PTPRD: variants seen among roughly 807,000 people sequenced by gnomAD.
PTPRD encodes protein tyrosine phosphatase receptor type D.
Under a neutral mutation model 214.5 loss-of-function variants are expected in PTPRD, and 34 were observed. The ratio of observed to expected loss-of-function variants is 0.16; its 90% CI spans 0.12 to 0.21. PTPRD has a LOEUF of 0.21. Ranked by LOEUF, PTPRD falls within the 10% of genes least tolerant of loss-of-function variation. The pLI is 1.00. For synonymous variants in PTPRD, 1,128 were observed against 845.7 expected (o/e 1.33, Z -5.79); for missense variants, 2,545 against 2,398.7 (o/e 1.06, Z -1.27).
At chr9:8,393,868 G>A (rs1367543095) in intron 36 of PTPRD, among the ~76,000 whole-genome samples, 1 of 151,992 alleles carries the variant, frequency 6.6e-6, no homozygotes. Flanking sequence ...GTTCTTTCTT[G>A]TGGCATTTAA....
chr9:10,510,853 C>T (rs767970115), intron 2 of PTPRD, among the ~76,000 whole-genome samples: 5 of 152,074 alleles, frequency 3.3e-5, no homozygotes, highest in Non-Finnish European at 5.9e-5. Flanking sequence ...TCATCCTTCC[C>T]TCCCCAGTAT....
intron 2 of PTPRD, among the ~76,000 whole-genome samples, chr9:10,572,313 C>G (rs369398034): frequency 4.6e-5 from 7 of 152,238 alleles, no homozygotes; most frequent in African/African-American, 1.7e-4. Context: ...TACTGTAGGA[C>G]TCACAATTTA....
At chr9:8,399,141 G>T (rs2091909386) in intron 36 of PTPRD, among the ~76,000 whole-genome samples, 1 of 127,064 alleles carries the variant, frequency 7.9e-6, no homozygotes, top group Non-Finnish European at 1.6e-5. Flanking sequence ...ATCTCATACT[G>T]TCTAAGATTT....
rs751046418 is a variant in PTPRD, at chr9:8,528,783, C to A, written c.353-4G>T. On this transcript the variant is annotated splice_region_variant and splice_polypyrimidine_tract_variant and intron_variant, in intron 14 of 45. Coordinates refer to ENST00000381196, the MANE Select transcript of PTPRD (RefSeq NM_002839.4). ...AAGCCCCTGGGAATTTGATCTTCTG[C>A]AAGACAAAAGGTGATAGAAACATTC... 2 of 1,612,744 alleles carry A rather than the reference C, an allele frequency of 1.2e-6. No individual in the cohort carries two copies. The highest frequency in any genetic ancestry group is 4.5e-5 in the East Asian group (2 of 44,786).
At chr9:8,406,445 A>C (rs760721300) in intron 35 of PTPRD, among the ~76,000 whole-genome samples, 4 of 152,212 alleles carry the variant, frequency 2.6e-5, no homozygotes, top group Non-Finnish European at 2.9e-5. Context: ...TCCACTCTTC[A>C]TACTGCTGCC....
intron 30 of PTPRD, among the ~76,000 whole-genome samples, chr9:8,476,118 G>A (rs964961663): frequency 6.6e-5 from 10 of 152,082 alleles, no homozygotes; most frequent in African/African-American, 1.2e-4. Flanking sequence ...CAGTGGTTCC[G>A]AGCCTTTTTG....
chr9:10,074,199 A>T (rs1260288856), intron 3 of PTPRD, among the ~76,000 whole-genome samples: 1 of 152,024 alleles, frequency 6.6e-6, no homozygotes, highest in Non-Finnish European at 1.5e-5. Flanking sequence ...GGCTCCTCTC[A>T]TTGGCCTGCT....
At chr9:9,775,859 G>A (rs1294952299) in intron 5 of PTPRD, among the ~76,000 whole-genome samples, 1 of 149,742 alleles carries the variant, frequency 6.7e-6, no homozygotes, top group East Asian at 2.0e-4. Flanking sequence ...GGGAGGCTGA[G>A]GCAGGAGAAT....
chr9:10,451,619 G>C (rs535191639), intron 2 of PTPRD, among the ~76,000 whole-genome samples: 2 of 151,530 alleles, frequency 1.3e-5, no homozygotes, highest in Admixed American at 1.3e-4. Flanking sequence ...CACACATTCA[G>C]CAACTAGATC....
At chr9:8,400,918 C>G (rs1034385588) in intron 36 of PTPRD, among the ~76,000 whole-genome samples, 1 of 152,154 alleles carries the variant, frequency 6.6e-6, no homozygotes, top group South Asian at 2.1e-4. Flanking sequence ...GAGATTACCA[C>G]TAAGAAAACT....
intron 11 of PTPRD, among the ~76,000 whole-genome samples, chr9:8,778,714 G>T (rs2095579583): frequency 6.6e-6 from 1 of 152,134 alleles, no homozygotes; most frequent in South Asian, 2.1e-4. Flanking sequence ...CAGTAATACT[G>T]AAACTAGGAG....
At chr9:9,683,796 A>G (rs983601755) in intron 7 of PTPRD, among the ~76,000 whole-genome samples, 1 of 151,734 alleles carries the variant, frequency 6.6e-6, no homozygotes, top group Non-Finnish European at 1.5e-5. Flanking sequence ...ATAATTTTAT[A>G]CATAAAAAAT....
At chr9:9,623,235 A>C (rs563636786) in intron 7 of PTPRD, among the ~76,000 whole-genome samples, 1 of 152,346 alleles carries the variant, frequency 6.6e-6, no homozygotes, top group Non-Finnish European at 1.5e-5. Context: ...GTATGAATCA[A>C]GAAACAGAGA....
intron 7 of PTPRD, among the ~76,000 whole-genome samples, chr9:9,673,173 A>G (rs917004150): frequency 8.6e-5 from 13 of 151,980 alleles, no homozygotes; most frequent in African/African-American, 3.1e-4. Context: ...AAATCCTGTT[A>G]ATAATCTTTA....
intron 9 of PTPRD, among the ~76,000 whole-genome samples, chr9:9,220,596 A>G (rs974296288): frequency 2.6e-5 from 4 of 152,100 alleles, no homozygotes; most frequent in Non-Finnish European, 4.4e-5. Context: ...TCCATAATGC[A>G]AATGAAGTGC....
intron 3 of PTPRD, among the ~76,000 whole-genome samples, chr9:10,065,029 A>G (rs2097849200): frequency 6.6e-6 from 1 of 151,848 alleles, no homozygotes; most frequent in Non-Finnish European, 1.5e-5. Context: ...CGAACTAGGT[A>G]TAAAAAGATG....
chr9:10,450,444 A>G (rs1314522288), intron 2 of PTPRD, among the ~76,000 whole-genome samples: 4 of 151,908 alleles, frequency 2.6e-5, no homozygotes, highest in African/African-American at 9.7e-5. Context: ...CTATTTGTCA[A>G]TAATTCAGAG....
intron 5 of PTPRD, among the ~76,000 whole-genome samples, chr9:9,920,629 A>G (rs928720913): frequency 6.6e-6 from 1 of 152,144 alleles, no homozygotes; most frequent in Non-Finnish European, 1.5e-5. Context: ...CTAGTGGTAG[A>G]AGGAGATGCC....
chr9:10,033,218 T>C (rs2097115165), intron 4 of PTPRD, among the ~76,000 whole-genome samples: 1 of 151,604 alleles, frequency 6.6e-6, no homozygotes, highest in Non-Finnish European at 1.5e-5. Flanking sequence ...CTGAGAAACA[T>C]GATACCAAGA....
Sources: allele counts gnomAD v4.1 joint callset (sites outside exome capture counted in the v4.1 genomes callset), GRCh38; gene constraint gnomAD v4.1.1; transcripts MANE v1.5; gene names NCBI Gene and HGNC (gene_info 2026-07-23, HGNC 2026-07-21).